The following POMT2 variants were observed in gnomAD, a reference collection of about 807,000 sequenced individuals.
The protein encoded by POMT2 is protein O-mannosyltransferase 2, also known as protein O-mannosyl-transferase 2.
In POMT2, 75 loss-of-function variants were observed where a neutral mutation model predicts 100.0. That is an observed-to-expected ratio of 0.75 (90% CI 0.62 to 0.91). The LOEUF (loss-of-function observed/expected upper bound fraction) is 0.91, where lower values mean the gene tolerates loss of function less well. Among genes scored for constraint, POMT2 ranks in the 40% least tolerant of loss-of-function variants. The probability of loss-of-function intolerance (pLI) is 0.00; values close to 1 mark genes in which losing one functional copy is unlikely to be tolerated. For missense variants in POMT2, 940 were observed against 955.1 expected (o/e 0.98, Z 0.21); for synonymous variants, 378 against 374.1 (o/e 1.01, Z -0.12).
At chr14:77,306,586 C>A (rs1891238534) in intron 2 of POMT2, 145 bp from the exon 3 acceptor site, 1 of 805,886 alleles carries the variant, frequency 1.2e-6, no homozygotes, top group South Asian at 1.5e-5. Context: ...AACATTTTCT[C>A]CTGCAGCTGC....
chr14:77,306,824 G>A, intron 2 of POMT2: 1 of 262,316 alleles, frequency 3.8e-6, no homozygotes, highest in South Asian at 4.3e-5. Context: ...TGGGGAATTG[G>A]CCTTTTGAAA....
chr14:77,299,637 T>C (rs1473563957), intron 6 of POMT2, 76 bp from the exon 7 acceptor site: 2 of 1,082,654 alleles, frequency 1.8e-6, no homozygotes, highest in Admixed American at 3.5e-5. Context: ...ATGCATTATA[T>C]ATAGCTTTTA....
chr14:77,298,922 G>C lies in POMT2; in HGVS notation c.924-151C>G, dbSNP rs1890925680. The C allele has an allele frequency of 1.7e-5, 14 of 813,834 alleles. No individual in the cohort carries two copies. The East Asian group carries it at 3.7e-4, about 22-fold the overall frequency. The allele number at this position is 813,834 out of a possible 1,614,324, so 50.4% of individuals were successfully genotyped here. A position where few individuals can be genotyped will look rare whatever the true frequency, so the allele number is the denominator to read the frequency against. On this transcript the variant is annotated intron_variant, in intron 7 of 20. Coordinates refer to ENST00000261534, the MANE Select transcript of POMT2 (RefSeq NM_013382.7). ...TGGGTGATGGAGTTGGAGAAACTGG[G>C]GTCCAAATCCCAACTCAGCCACTTA...
chr14:77,320,769 G>A lies in POMT2; in HGVS notation c.-88C>T. The A allele has an allele frequency of 6.6e-7, 1 of 1,507,350 alleles. No individual in the cohort carries two copies. Among genetic ancestry groups the A allele is most frequent in the Non-Finnish European group, 8.8e-7 (1 of 1,138,556 alleles). The allele number at this position is 1,507,350 out of a possible 1,614,324, so 93.4% of individuals were successfully genotyped here. On this transcript the variant is annotated 5_prime_UTR_variant, in exon 1 of 21. Transcript: ENST00000261534. ...CCAAGGAGTCACAAGAGGGCAGCTC[G>A]GGGTACCCCGGGAAATGCAACGCCC...
At chr14:77,294,783 C>T (rs1450641846) in intron 9 of POMT2, among the ~76,000 whole-genome samples, 2 of 152,198 alleles carry the variant, frequency 1.3e-5, no homozygotes, top group African/African-American at 2.4e-5. Context: ...GTAAATTGCC[C>T]AGTCTCAGGT....
chr14:77,315,457 TG>T (rs1292777706), intron 1 of POMT2, among the ~76,000 whole-genome samples: 2 of 152,210 alleles, frequency 1.3e-5, no homozygotes, highest in African/African-American at 2.4e-5. Flanking sequence ...CAGATTAAAC[TG>T]GTAATGTTTG....
Position 77,284,964 on chromosome 14 carries a change from T to C in POMT2, c.1562A>G (p.His521Arg). ...TLNSIWNVED[H>R]INPKLPNISL... ...ACCTCACTCACACTTGGGATTGATA[T>C]GGTCCTCCACATTCCAGATGGAGTT... The change falls in exon 14 of 21, where the codon CAT becomes CGT. Residue 521 changes from histidine to arginine, a missense_variant. Transcript: ENST00000261534. 5 of 1,610,716 alleles carry C rather than the reference T, an allele frequency of 3.1e-6. No homozygotes were observed. The highest frequency in any genetic ancestry group is 4.2e-6 in the Non-Finnish European group (5 of 1,176,870).
At chr14:77,286,470 C>A (rs1890427287) in intron 12 of POMT2, among the ~76,000 whole-genome samples, 2 of 152,096 alleles carry the variant, frequency 1.3e-5, no homozygotes, top group South Asian at 4.1e-4. Flanking sequence ...TAAAAGAGAT[C>A]CAAATAGTAT....
At chr14:77,311,648 T>C (rs927617669) in intron 2 of POMT2, among the ~76,000 whole-genome samples, 1 of 152,254 alleles carries the variant, frequency 6.6e-6, no homozygotes, top group East Asian at 1.9e-4. Context: ...TTCATCCATG[T>C]TGTAGCATGT....
chr14:77,286,954 T>C, intron 11 of POMT2, 132 bp from the exon 12 acceptor site: 1 of 1,512,856 alleles, frequency 6.6e-7, no homozygotes, highest in South Asian at 1.2e-5. Context: ...AAATCCAACA[T>C]ATCAGGAACT....
intron 9 of POMT2, among the ~76,000 whole-genome samples, chr14:77,294,487 A>G (rs1490162536): frequency 3.3e-5 from 5 of 152,104 alleles, no homozygotes; most frequent in African/African-American, 1.2e-4. Flanking sequence ...AAGCCCGAGT[A>G]ATTTTTTTGT....
At chr14:77,296,770 C>T (rs1020595374) in intron 8 of POMT2, among the ~76,000 whole-genome samples, 1 of 152,182 alleles carries the variant, frequency 6.6e-6, no homozygotes, top group African/African-American at 2.4e-5. Flanking sequence ...CACAGAAAAC[C>T]ACTTCTCAAG....
intron 2 of POMT2, 132 bp from the exon 3 acceptor site, chr14:77,306,573 T>A (rs982591312): frequency 6.1e-6 from 6 of 990,688 alleles, no homozygotes; most frequent in Non-Finnish European, 7.6e-6. Flanking sequence ...ATGTTGCCAA[T>A]GCAACATTTT....
At chr14:77,298,603 C>T in intron 8 of POMT2, 86 bp downstream of exon 8, 1 of 1,446,720 alleles carries the variant, frequency 6.9e-7, no homozygotes. Flanking sequence ...CTAAAATAAC[C>T]CAAAGCCATC....
In POMT2 at chr14:77,279,856, G is replaced by C; in HGVS notation, c.1858C>G (p.Gln620Glu). The change falls in exon 18 of 21, where the codon CAG becomes GAG. Residue 620 changes from glutamine (Q) to glutamate (E), a missense_variant. By Grantham distance (29) the Gln-to-Glu change is conservative. Coordinates refer to ENST00000261534, the MANE Select transcript of POMT2 (RefSeq NM_013382.7). ...TCCGCTGGCAGCCGTGCCCCTCTCTGCATGGCTACAGCAATGATGCTCCCT... is the reference window on the plus strand; with the variant it reads ...TCCGCTGGCAGCCGTGCCCCTCTCTCCATGGCTACAGCAATGATGCTCCCT... ...LSGSIIAVAM[Q>E]RGARLPAEVA... 1 of 1,613,938 alleles carries C rather than the reference G, an allele frequency of 6.2e-7. No individual in the cohort carries two copies. The highest frequency in any genetic ancestry group is 8.5e-7 in the Non-Finnish European group (1 of 1,180,000).
intron 13 of POMT2, 146 bp downstream of exon 13, chr14:77,285,335 C>G: frequency 1.8e-6 from 2 of 1,105,460 alleles, no homozygotes; most frequent in Non-Finnish European, 2.6e-6. Flanking sequence ...CCATAATACA[C>G]CTGATATCTA....
rs777278899 is a variant in POMT2 at position 77,311,985 on chromosome 14, A to G, written c.297T>C (p.Arg99=). ...GCGGGTGCACATCAAAGAAAAATGT[A>G]CGGTTGATATAGTAACTTCCCATTT... The part of the protein sequence containing the change: ...FGKMGSYYIN[R]TFFFDVHPPL... Residue 99 remains arginine, a synonymous_variant, in exon 2 of 21, where the codon CGT becomes CGC. Transcript: ENST00000261534. 3 of 1,614,006 alleles carry G rather than the reference A, an allele frequency of 1.9e-6. No individual in the cohort carries two copies. The highest frequency in any genetic ancestry group is 2.2e-5 in the South Asian group (2 of 91,080).
At chr14:77,301,276 T>G in intron 5 of POMT2, 27 bp from the exon 6 acceptor site, 1 of 1,613,838 alleles carries the variant, frequency 6.2e-7, no homozygotes, top group Non-Finnish European at 8.5e-7. Context: ...CGGAGTTCAA[T>G]TTGGCAGCTG....
At chr14:77,320,369 CCAAT>C in intron 1 of POMT2, 61 bp downstream of exon 1, 1 of 1,540,940 alleles carries the variant, frequency 6.5e-7, no homozygotes, top group Non-Finnish European at 8.7e-7. Context: ...TACCCTCGGG[CCAAT>C]CAGAGGGCGG....
Sources: allele counts gnomAD v4.1 joint callset (sites outside exome capture counted in the v4.1 genomes callset), GRCh38; gene constraint gnomAD v4.1.1; transcripts MANE v1.5; gene names NCBI Gene and HGNC (gene_info 2026-07-23, HGNC 2026-07-21).